The following IRF2 variants were observed in gnomAD, a reference collection of about 807,000 sequenced individuals.
The protein encoded by IRF2 is interferon regulatory factor 2.
A neutral mutation model predicts 40.6 loss-of-function variants in IRF2; 15 were observed. The observed-to-expected ratio is 0.37, with a 90% CI of 0.25 to 0.57. The LOEUF is 0.57. Among genes scored for constraint, IRF2 ranks in the 20% least tolerant of loss-of-function variants. The pLI, the probability that IRF2 is intolerant of heterozygous loss-of-function variation, is 0.77. For missense variants in IRF2, 317 were observed against 455.7 expected, an observed-to-expected ratio of 0.70 and a Z score of 2.77; for synonymous variants, 151 against 165.5, an observed-to-expected ratio of 0.91 and a Z score of 0.67.
chr4:184,452,377 A>G (rs1266432532), intron 1 of IRF2, among the ~76,000 whole-genome samples: 1 of 152,226 alleles, frequency 6.6e-6, no homozygotes, highest in African/African-American at 2.4e-5. Context: ...GTGAAAGACG[A>G]GGCCATAGCC....
chr4:184,397,117 A>T (rs7691171), intron 7 of IRF2, among the ~76,000 whole-genome samples: 149,123 of 152,350 alleles, frequency 0.98, 73,057 homozygotes, highest in East Asian at 1. Flanking sequence ...AAAGCACCGA[A>T]GACAAGCTTA....
intron 7 of IRF2, among the ~76,000 whole-genome samples, chr4:184,394,640 C>G (rs1400936110): frequency 1.3e-5 from 2 of 151,862 alleles, no homozygotes; most frequent in Admixed American, 1.3e-4. Context: ...GATCTCCACT[C>G]TCTCATTATA....
At chr4:184,435,251 C>T (rs1482992565) in intron 1 of IRF2, among the ~76,000 whole-genome samples, 1 of 152,194 alleles carries the variant, frequency 6.6e-6, no homozygotes, top group Non-Finnish European at 1.5e-5. Flanking sequence ...CTTTAGAAAG[C>T]ACTGAGTTAT....
In IRF2 at chr4:184,417,476, C is replaced by T. The variant is rs1409995396; in HGVS notation, c.411+691G>A. ...TGCTCTCTGCTCAGCCACTGAAGCT[C>T]GTCCCCAGTTTTGCAGGGCATATTC... On this transcript the variant is annotated intron_variant, in intron 5 of 8. Coordinates refer to ENST00000393593, the MANE Select transcript of IRF2 (RefSeq NM_002199.4). 2.6e-5 allele frequency among the ~76,000 whole-genome samples: 4 copies of T among 152,312 alleles called. 1 individual carries two copies. In the South Asian group the frequency reaches 6.2e-4, roughly 24 times the overall value.
intron 1 of IRF2, among the ~76,000 whole-genome samples, chr4:184,429,751 C>T (rs922402259): frequency 6.6e-6 from 1 of 152,180 alleles, no homozygotes; most frequent in African/African-American, 2.4e-5. Flanking sequence ...TGACATCACC[C>T]CCTTTTCCTT....
At chr4:184,412,426 G>C (rs1737112147) in intron 5 of IRF2, among the ~76,000 whole-genome samples, 1 of 152,148 alleles carries the variant, frequency 6.6e-6, no homozygotes, top group Admixed American at 6.5e-5. Context: ...CCTTGTCCCT[G>C]AAGTCCCATT....
intron 7 of IRF2, among the ~76,000 whole-genome samples, chr4:184,393,076 G>A (rs116276873): frequency 0.014 from 2,070 of 152,210 alleles, 24 homozygotes; most frequent in Admixed American, 0.022. Flanking sequence ...GAGAACCCTC[G>A]TGCTGGCTCA....
At chr4:184,450,909 G>C (rs546446667) in intron 1 of IRF2, among the ~76,000 whole-genome samples, 2 of 152,142 alleles carry the variant, frequency 1.3e-5, no homozygotes, top group Non-Finnish European at 2.9e-5. Context: ...AGACCAGTAC[G>C]TAAGCAACTG....
intron 5 of IRF2, among the ~76,000 whole-genome samples, chr4:184,409,957 A>C (rs1370124178): frequency 1.3e-5 from 2 of 152,050 alleles, no homozygotes; most frequent in Non-Finnish European, 1.5e-5. Context: ...AAACAAAAAA[A>C]ACCCACTTGC....
chr4:184,452,383 T>C (rs2149913437), intron 1 of IRF2, among the ~76,000 whole-genome samples: 1 of 152,314 alleles, frequency 6.6e-6, no homozygotes, highest in East Asian at 1.9e-4. Context: ...GACGAGGCCA[T>C]AGCCATATCC....
At chr4:184,416,630 G>A (rs1737286360) in intron 5 of IRF2, among the ~76,000 whole-genome samples, 1 of 152,074 alleles carries the variant, frequency 6.6e-6, no homozygotes, top group Non-Finnish European at 1.5e-5. Context: ...TGACATCATG[G>A]TATTTTTACA....
At chr4:184,391,039 C>T (rs1736243163) in intron 7 of IRF2, among the ~76,000 whole-genome samples, 1 of 152,250 alleles carries the variant, frequency 6.6e-6, no homozygotes, top group Non-Finnish European at 1.5e-5. Flanking sequence ...CTCCTCACTG[C>T]AGCTCTGTCC....
chr4:184,459,435 T>A (rs376692562), intron 1 of IRF2, among the ~76,000 whole-genome samples: 4 of 152,230 alleles, frequency 2.6e-5, no homozygotes, highest in Non-Finnish European at 5.9e-5. Context: ...AATTCCAGCA[T>A]GGTGCGAGAT....
At chr4:184,436,253 G>A (rs1486643643) in intron 1 of IRF2, among the ~76,000 whole-genome samples, 1 of 152,182 alleles carries the variant, frequency 6.6e-6, no homozygotes, top group Non-Finnish European at 1.5e-5. Flanking sequence ...GGGATTACAG[G>A]CGTGAGCCAC....
At chr4:184,405,094 AT>A (rs1389229217) in intron 6 of IRF2, among the ~76,000 whole-genome samples, 1 of 152,154 alleles carries the variant, frequency 6.6e-6, no homozygotes, top group Non-Finnish European at 1.5e-5. Flanking sequence ...TACAAAAAAA[AT>A]TACCCAGGCA....
chr4:184,427,464 G>C (rs968299589), intron 2 of IRF2, among the ~76,000 whole-genome samples: 1 of 152,098 alleles, frequency 6.6e-6, no homozygotes, highest in Non-Finnish European at 1.5e-5. Context: ...GACCAGTCTG[G>C]GCAACATAGT....
chr4:184,473,479 G>A (rs1739601393), intron 1 of IRF2, among the ~76,000 whole-genome samples: 1 of 147,738 alleles, frequency 6.8e-6, no homozygotes, highest in South Asian at 2.1e-4. Context: ...CGCCGCCCGA[G>A]CCCCTGGCGC....
chr4:184,443,084 C>T (rs1204448995), intron 1 of IRF2, among the ~76,000 whole-genome samples: 1 of 152,102 alleles, frequency 6.6e-6, no homozygotes, highest in African/African-American at 2.4e-5. Context: ...TGCCACCTTG[C>T]CCGGTGAATT....
intron 1 of IRF2, among the ~76,000 whole-genome samples, chr4:184,429,275 G>C (rs889480511): frequency 6.6e-6 from 1 of 152,212 alleles, no homozygotes; most frequent in African/African-American, 2.4e-5. Context: ...TGGAGACACA[G>C]GATGGTCCAG....
Sources: gnomAD v4.1 joint callset for allele counts (sites outside exome capture counted in the v4.1 genomes callset) on GRCh38, gnomAD v4.1.1 for gene constraint, MANE v1.5 for transcripts, NCBI Gene and HGNC (gene_info 2026-07-23, HGNC 2026-07-21) for gene names.